The following MCTP1 variants were observed in gnomAD, a reference collection of about 807,000 sequenced individuals.
MCTP1 encodes multiple C2 and transmembrane domain containing 1.
A neutral mutation model predicts 120.6 loss-of-function variants in MCTP1; 69 were observed. The observed-to-expected ratio is 0.57, with a 90% CI of 0.47 to 0.70. The LOEUF (loss-of-function observed/expected upper bound fraction) is 0.70. Ranked by LOEUF, MCTP1 falls within the 30% of genes least tolerant of loss-of-function variation. The pLI, the probability that MCTP1 is intolerant of heterozygous loss-of-function variation, is 0.00. For synonymous variants in MCTP1, 529 were observed against 493.1 expected, an observed-to-expected ratio of 1.07 and a Z score of -0.96; for missense variants, 1,203 against 1,248.8, an observed-to-expected ratio of 0.96 and a Z score of 0.55.
At chr5:94,745,012 T>C (rs772499691) in intron 19 of MCTP1, among the ~76,000 whole-genome samples, 7 of 152,222 alleles carry the variant, frequency 4.6e-5, no homozygotes, top group African/African-American at 1.4e-4. Flanking sequence ...GCTTTTAAGA[T>C]GGTTGAAACA....
chr5:94,860,258 G>C (rs1188014942), intron 17 of MCTP1, among the ~76,000 whole-genome samples: 1 of 151,466 alleles, frequency 6.6e-6, no homozygotes, highest in Non-Finnish European at 1.5e-5. Flanking sequence ...TTATATCTCT[G>C]ACATAATATT....
At chr5:95,267,747 C>T (rs1208091516) in intron 1 of MCTP1, among the ~76,000 whole-genome samples, 2 of 152,202 alleles carry the variant, frequency 1.3e-5, no homozygotes, top group Non-Finnish European at 2.9e-5. Flanking sequence ...CTCAAAATTG[C>T]TTCAGTCCTT....
intron 19 of MCTP1, among the ~76,000 whole-genome samples, chr5:94,757,613 A>T (rs535978091): frequency 6.6e-6 from 1 of 152,214 alleles, no homozygotes. Flanking sequence ...GAGACAACAG[A>T]CTTGAGACGA....
At chr5:95,254,841 G>T (rs2152705218) in intron 1 of MCTP1, among the ~76,000 whole-genome samples, 1 of 152,244 alleles carries the variant, frequency 6.6e-6, no homozygotes, top group South Asian at 2.1e-4. Flanking sequence ...GATTCTGGAA[G>T]CATTGTTATA....
At chr5:95,210,629 A>G (rs1224824682) in intron 1 of MCTP1, among the ~76,000 whole-genome samples, 1 of 150,636 alleles carries the variant, frequency 6.6e-6, no homozygotes, top group Admixed American at 6.6e-5. Context: ...TCTTTATCCA[A>G]TTTGCCAGTC....
chr5:94,978,405 T>C (rs973224946), intron 2 of MCTP1, among the ~76,000 whole-genome samples: 3 of 152,174 alleles, frequency 2.0e-5, no homozygotes, highest in African/African-American at 7.2e-5. Flanking sequence ...AGCACTCCCA[T>C]ATTCATTGCA....
At chr5:94,727,470 T>G (rs539697767) in intron 19 of MCTP1, among the ~76,000 whole-genome samples, 1 of 152,234 alleles carries the variant, frequency 6.6e-6, no homozygotes, top group Non-Finnish European at 1.5e-5. Context: ...CTGGAATCAA[T>G]TTCATCATTT....
chr5:95,236,256 C>T (rs765505985), intron 1 of MCTP1, among the ~76,000 whole-genome samples: 5 of 152,268 alleles, frequency 3.3e-5, no homozygotes, highest in Admixed American at 6.5e-5. Flanking sequence ...ACTGCATCTT[C>T]CAAGCTCCAA....
intron 6 of MCTP1, among the ~76,000 whole-genome samples, chr5:94,926,147 A>G (rs981686042): frequency 3.3e-5 from 5 of 152,230 alleles, no homozygotes; most frequent in African/African-American, 1.2e-4. Context: ...TGGAATAACA[A>G]TTAGACAACA....
At chr5:95,092,914 A>G (rs1229892879) in intron 1 of MCTP1, among the ~76,000 whole-genome samples, 4 of 152,208 alleles carry the variant, frequency 2.6e-5, no homozygotes, top group African/African-American at 9.7e-5. Context: ...AATTCTCTCC[A>G]TAAAACTGGT....
intron 17 of MCTP1, among the ~76,000 whole-genome samples, chr5:94,854,159 C>G (rs1043894134): frequency 1.3e-5 from 2 of 151,802 alleles, no homozygotes; most frequent in Non-Finnish European, 2.9e-5. Flanking sequence ...CCTCCTTACT[C>G]AGTAAAGAAA....
chr5:94,865,990 C>T (rs1041917035), intron 17 of MCTP1, among the ~76,000 whole-genome samples: 12 of 151,918 alleles, frequency 7.9e-5, no homozygotes, highest in Non-Finnish European at 1.3e-4. Context: ...TATATTAGAA[C>T]TTAATCAGAG....
rs1399825667 is a variant in MCTP1, at chr5:94,704,672, T to C, written c.*2824A>G. The C allele has an allele frequency of 7.3e-5, 11 of 151,286 alleles. No homozygotes were observed. The highest frequency in any genetic ancestry group is 2.7e-4 in the African/African-American group (11 of 41,322). 9.4% of individuals were successfully genotyped at this position (151,286 alleles called of 1,614,324 possible). ...TTTGATTTTAGTATACAATCATTGG[T>C]TTGACCGTTGTCTATAACAGGGTCA... On this transcript the variant is annotated 3_prime_UTR_variant, in exon 23 of 23. Transcript: ENST00000515393.
At chr5:94,762,748 C>A (rs562138400) in intron 19 of MCTP1, among the ~76,000 whole-genome samples, 1 of 152,312 alleles carries the variant, frequency 6.6e-6, no homozygotes, top group Admixed American at 6.5e-5. Flanking sequence ...CACCACCAGA[C>A]AAGCTACTAA....
At chr5:94,951,713 T>G (rs1221259600) in intron 3 of MCTP1, among the ~76,000 whole-genome samples, 2 of 152,144 alleles carry the variant, frequency 1.3e-5, no homozygotes. Context: ...AGATAATTCC[T>G]TTTTTTCTCA....
chr5:94,939,123 T>C (rs1021103180), intron 5 of MCTP1, among the ~76,000 whole-genome samples: 1 of 151,800 alleles, frequency 6.6e-6, no homozygotes, highest in South Asian at 2.1e-4. Context: ...AGAGAAATAC[T>C]TCTTGAAAGG....
intron 1 of MCTP1, among the ~76,000 whole-genome samples, chr5:95,034,213 GA>G (rs1278233131): frequency 1.3e-5 from 2 of 150,700 alleles, no homozygotes; most frequent in African/African-American, 4.9e-5. Context: ...CATGGAATTA[GA>G]AAAAAAAATT....
intron 1 of MCTP1, among the ~76,000 whole-genome samples, chr5:95,250,079 C>A (rs1481266352): frequency 6.6e-6 from 1 of 152,078 alleles, no homozygotes; most frequent in African/African-American, 2.4e-5. Flanking sequence ...ATGGGTACAG[C>A]AAACCAACAT....
chr5:94,799,529 CA>C (rs1174481956), intron 17 of MCTP1, among the ~76,000 whole-genome samples: 4 of 152,054 alleles, frequency 2.6e-5, no homozygotes, highest in Non-Finnish European at 5.9e-5. Flanking sequence ...TATTTAATAT[CA>C]GGGACTTTTA....
Sources: gnomAD v4.1 joint callset for allele counts (sites outside exome capture counted in the v4.1 genomes callset) on GRCh38, gnomAD v4.1.1 for gene constraint, MANE v1.5 for transcripts, NCBI Gene and HGNC (gene_info 2026-07-23, HGNC 2026-07-21) for gene names.